Variants in GPR158 observed in about 807,000 individuals in gnomAD.
GPR158 encodes metabotropic glycine receptor.
GPR158 carries 30 observed loss-of-function variants against 78.2 expected under a neutral mutation model. That is an observed-to-expected ratio of 0.38 (90% CI 0.29 to 0.52). GPR158 has a LOEUF of 0.52. Ranked by LOEUF, GPR158 falls within the 20% of genes least tolerant of loss-of-function variation. The probability of loss-of-function intolerance (pLI) is 0.83; values close to 1 mark genes in which losing one functional copy is unlikely to be tolerated. For missense variants in GPR158, 1,463 were observed against 1,523.5 expected (o/e 0.96, Z 0.66); for synonymous variants, 581 against 591.1 (o/e 0.98, Z 0.25).
intron 2 of GPR158, among the ~76,000 whole-genome samples, chr10:25,392,310 ACACT>A (rs960148722): frequency 1.4e-4 from 21 of 152,274 alleles, no homozygotes; most frequent in African/African-American, 5.1e-4. Flanking sequence ...TGTGGACCCC[ACACT>A]CACTCACACA....
chr10:25,388,432 G>T (rs1834250460), intron 2 of GPR158, among the ~76,000 whole-genome samples: 2 of 152,216 alleles, frequency 1.3e-5, no homozygotes, highest in Non-Finnish European at 1.5e-5. Flanking sequence ...CCTTAACCTT[G>T]CTCCCTGCCA....
chr10:25,396,917 T>G (rs1834369068), intron 3 of GPR158, among the ~76,000 whole-genome samples: 1 of 152,180 alleles, frequency 6.6e-6, no homozygotes, highest in Admixed American at 6.5e-5. Flanking sequence ...CCTGAGGCCC[T>G]TATTTTCTGG....
intron 1 of GPR158, among the ~76,000 whole-genome samples, chr10:25,219,164 T>C (rs1420936632): frequency 6.6e-6 from 1 of 152,228 alleles, no homozygotes; most frequent in African/African-American, 2.4e-5. Context: ...CGAATGGTTA[T>C]TGAAGCCCTA....
intron 4 of GPR158, among the ~76,000 whole-genome samples, chr10:25,428,862 T>C (rs951125711): frequency 2.6e-5 from 4 of 152,098 alleles, no homozygotes; most frequent in Admixed American, 2.0e-4. Flanking sequence ...TTCAGATGTA[T>C]ATATGAAGAA....
intron 2 of GPR158, among the ~76,000 whole-genome samples, chr10:25,259,972 C>T (rs964713258): frequency 2.0e-5 from 3 of 151,842 alleles, no homozygotes; most frequent in African/African-American, 7.3e-5. Context: ...GGAGTTTATT[C>T]TATTGTCTGT....
intron 2 of GPR158, among the ~76,000 whole-genome samples, chr10:25,288,294 G>T (rs939857308): frequency 6.6e-6 from 1 of 152,168 alleles, no homozygotes; most frequent in African/African-American, 2.4e-5. Flanking sequence ...GTATAAAAGG[G>T]TGATTAATCA....
rs1488886967 is a variant in GPR158, at chr10:25,601,977, T to C, written c.*2703T>C. On this transcript the variant is annotated 3_prime_UTR_variant, in exon 11 of 11. Transcript: ENST00000376351. ...ACTCGACAGTTCTCTTGTATTTGCTTCCTAGGTTTCTGCATGCAAGTTATG... is the reference window on the plus strand; with the variant it reads ...ACTCGACAGTTCTCTTGTATTTGCTCCCTAGGTTTCTGCATGCAAGTTATG... 1.3e-5 allele frequency: 2 copies of C among 152,612 alleles called. No individual in the cohort carries two copies. The highest frequency in any genetic ancestry group is 2.4e-5 in the African/African-American group (1 of 41,452). The allele number at this position is 152,612 out of a possible 1,614,324, so 9.5% of individuals were successfully genotyped here.
At chr10:25,284,217 G>C (rs1442195760) in intron 2 of GPR158, among the ~76,000 whole-genome samples, 1 of 152,048 alleles carries the variant, frequency 6.6e-6, no homozygotes, top group East Asian at 1.9e-4. Flanking sequence ...GAGTCTTGAA[G>C]TCTCCAGCTA....
chr10:25,219,575 G>A (rs982420282), intron 1 of GPR158, among the ~76,000 whole-genome samples: 1 of 152,110 alleles, frequency 6.6e-6, no homozygotes, highest in Non-Finnish European at 1.5e-5. Context: ...TGGATTATCT[G>A]GATAAACCAA....
chr10:25,361,105 G>A (rs1094830), intron 2 of GPR158, among the ~76,000 whole-genome samples: 50,171 of 151,358 alleles, frequency 0.33, 10,456 homozygotes, highest in Non-Finnish European at 0.47. Flanking sequence ...TCTCCTTGCC[G>A]CTGGTAATAA....
intron 5 of GPR158, among the ~76,000 whole-genome samples, chr10:25,529,645 A>G (rs997502884): frequency 6.6e-6 from 1 of 152,236 alleles, no homozygotes; most frequent in African/African-American, 2.4e-5. Flanking sequence ...AACAATGCCA[A>G]GAAATTGTGG....
intron 2 of GPR158, among the ~76,000 whole-genome samples, chr10:25,241,284 CTTTTCTTTT>C (rs1255148775): frequency 7.3e-5 from 8 of 109,008 alleles, no homozygotes; most frequent in Non-Finnish European, 1.4e-4. Flanking sequence ...TTCTTTCTTT[CTTTTCTTTT>C]CTTTTCTTTT....
chr10:25,516,211 G>A (rs1346031173), intron 5 of GPR158, among the ~76,000 whole-genome samples: 8 of 151,338 alleles, frequency 5.3e-5, no homozygotes, highest in Non-Finnish European at 1.0e-4. Flanking sequence ...ACTTTTTGAT[G>A]GGGTTGTTTG....
At chr10:25,333,074 TAG>T (rs1855149348) in intron 2 of GPR158, among the ~76,000 whole-genome samples, 1 of 152,106 alleles carries the variant, frequency 6.6e-6, no homozygotes, top group South Asian at 2.1e-4. Flanking sequence ...CACAGGATCA[TAG>T]AGTCTTACCA....
intron 7 of GPR158, among the ~76,000 whole-genome samples, chr10:25,582,418 C>T (rs1423167367): frequency 1.3e-5 from 2 of 152,118 alleles, no homozygotes; most frequent in East Asian, 3.9e-4. Context: ...AGTATAGTCT[C>T]CCTACCCTTT....
chr10:25,455,394 C>CT (rs530672118), intron 4 of GPR158, among the ~76,000 whole-genome samples: 2 of 151,902 alleles, frequency 1.3e-5, no homozygotes, highest in Admixed American at 6.6e-5. Context: ...TATTATAAAA[C>CT]TTTTTTTTCT....
intron 9 of GPR158, among the ~76,000 whole-genome samples, 154 bp from the exon 10 acceptor site, chr10:25,596,489 C>T (rs764684767): frequency 5.3e-5 from 8 of 151,964 alleles, no homozygotes; most frequent in Non-Finnish European, 1.2e-4. Flanking sequence ...CTGTGTCTCT[C>T]TCTCTCTATC....
At chr10:25,499,849 G>A (rs1339478276) in intron 5 of GPR158, among the ~76,000 whole-genome samples, 2 of 152,182 alleles carry the variant, frequency 1.3e-5, no homozygotes, top group South Asian at 2.1e-4. Flanking sequence ...GGCCCAGTGT[G>A]CCTGCGTCAC....
intron 1 of GPR158, among the ~76,000 whole-genome samples, chr10:25,205,935 T>C (rs1853021673): frequency 6.6e-6 from 1 of 152,034 alleles, no homozygotes. Flanking sequence ...TCTATAGATA[T>C]TTGTTCAGTC....
Sources: allele counts gnomAD v4.1 joint callset (sites outside exome capture counted in the v4.1 genomes callset), GRCh38; gene constraint gnomAD v4.1.1; transcripts MANE v1.5; gene names NCBI Gene and HGNC (gene_info 2026-07-23, HGNC 2026-07-21).